Variants in C8orf34 observed in about 807,000 individuals in gnomAD.
The protein encoded by C8orf34 is chromosome 8 open reading frame 34.
C8orf34 carries 65 observed loss-of-function variants against 68.3 expected under a neutral mutation model. The ratio of observed to expected loss-of-function variants is 0.95; its 90% CI spans 0.78 to 1.17. The LOEUF (loss-of-function observed/expected upper bound fraction) is 1.17. Ranked by LOEUF, C8orf34 falls within the 50% of genes most tolerant of loss-of-function variation. The pLI is 0.00. For synonymous variants in C8orf34, 244 were observed against 241.2 expected, an observed-to-expected ratio of 1.01 and a Z score of -0.11; for missense variants, 664 against 655.4, an observed-to-expected ratio of 1.01 and a Z score of -0.14.
intron 1 of C8orf34, among the ~76,000 whole-genome samples, chr8:68,436,233 A>C (rs1272549448): frequency 6.6e-6 from 1 of 152,202 alleles, no homozygotes; most frequent in East Asian, 1.9e-4. Flanking sequence ...AAAAGAAAAG[A>C]AAAATAGTGG....
chr8:68,558,791 C>T (rs950142953), intron 7 of C8orf34, among the ~76,000 whole-genome samples: 1 of 151,946 alleles, frequency 6.6e-6, no homozygotes, highest in Non-Finnish European at 1.5e-5. Context: ...TATGCTATGC[C>T]CTGTACTAGG....
intron 3 of C8orf34, among the ~76,000 whole-genome samples, chr8:68,465,795 C>G (rs1586197271): frequency 7.2e-6 from 1 of 138,630 alleles, no homozygotes; most frequent in East Asian, 2.3e-4. Flanking sequence ...ACTCTGGGGC[C>G]TGTTGTGGGG....
chr8:68,605,894 A>G (rs566352823), intron 7 of C8orf34, among the ~76,000 whole-genome samples: 21 of 152,234 alleles, frequency 1.4e-4, no homozygotes, highest in Admixed American at 6.6e-4. Flanking sequence ...TGATGTGTTA[A>G]TGTAGGTCCA....
intron 1 of C8orf34, among the ~76,000 whole-genome samples, chr8:68,343,135 T>G (rs1387506241): frequency 1.3e-5 from 2 of 152,048 alleles, no homozygotes; most frequent in African/African-American, 4.8e-5. Flanking sequence ...CTAAATGCAA[T>G]TAGAAAATGG....
chr8:68,722,207 A>C (rs781629160), intron 10 of C8orf34, among the ~76,000 whole-genome samples: 61 of 152,182 alleles, frequency 4.0e-4, no homozygotes, highest in Admixed American at 1.8e-3. Flanking sequence ...CTTCTCCCTG[A>C]GTCTTCACAG....
intron 11 of C8orf34, among the ~76,000 whole-genome samples, chr8:68,785,655 C>A (rs1332426132): frequency 6.6e-6 from 1 of 152,078 alleles, no homozygotes; most frequent in East Asian, 1.9e-4. Flanking sequence ...TGATATATTG[C>A]CATTCATTCT....
intron 9 of C8orf34, among the ~76,000 whole-genome samples, chr8:68,719,705 T>C (rs1014196464): frequency 6.6e-6 from 1 of 151,988 alleles, no homozygotes; most frequent in Admixed American, 6.6e-5. Flanking sequence ...AACTTATTTA[T>C]AGTATTTCTA....
intron 3 of C8orf34, among the ~76,000 whole-genome samples, chr8:68,452,057 T>C (rs1185930778): frequency 6.6e-6 from 1 of 151,992 alleles, no homozygotes; most frequent in Non-Finnish European, 1.5e-5. Flanking sequence ...CTTCAGTCCT[T>C]TTCGTGGCTG....
intron 7 of C8orf34, among the ~76,000 whole-genome samples, chr8:68,607,586 G>C (rs1250594657): frequency 1.3e-5 from 2 of 152,086 alleles, no homozygotes; most frequent in Non-Finnish European, 2.9e-5. Flanking sequence ...TGGGAGTTAG[G>C]ACTTCAACAT....
At chr8:68,644,582 C>G (rs150524772) in intron 8 of C8orf34, among the ~76,000 whole-genome samples, 17 of 152,304 alleles carry the variant, frequency 1.1e-4, no homozygotes, top group African/African-American at 4.1e-4. Context: ...GTTCTAAACT[C>G]CTTCAGCTAG....
intron 8 of C8orf34, among the ~76,000 whole-genome samples, chr8:68,666,885 C>G (rs2130828367): frequency 6.6e-6 from 1 of 152,250 alleles, no homozygotes; most frequent in South Asian, 2.1e-4. Flanking sequence ...TTTTTATCCT[C>G]ATTAATATTT....
intron 1 of C8orf34, among the ~76,000 whole-genome samples, chr8:68,426,628 C>A (rs1307584523): frequency 2.7e-5 from 4 of 148,062 alleles, no homozygotes; most frequent in Non-Finnish European, 6.0e-5. Flanking sequence ...TAGTATAATG[C>A]AAATGAACTC....
intron 1 of C8orf34, among the ~76,000 whole-genome samples, chr8:68,407,948 C>T (rs2129621836): frequency 6.6e-6 from 1 of 152,288 alleles, no homozygotes; most frequent in Admixed American, 6.5e-5. Context: ...TCATTCCCAT[C>T]CCACTGAGCT....
chr8:68,717,560 G>C (rs1821512012), intron 9 of C8orf34, among the ~76,000 whole-genome samples: 1 of 151,978 alleles, frequency 6.6e-6, no homozygotes, highest in African/African-American at 2.4e-5. Context: ...CTGGGTGATG[G>C]GATAAGGAAG....
intron 6 of C8orf34, among the ~76,000 whole-genome samples, chr8:68,529,068 A>C (rs919580576): frequency 2.0e-5 from 3 of 152,174 alleles, no homozygotes; most frequent in Admixed American, 1.3e-4. Flanking sequence ...CATTCCCCTC[A>C]GCATGAAAGT....
chr8:68,380,829 C>CA (rs111824851), intron 1 of C8orf34, among the ~76,000 whole-genome samples: 7 of 152,220 alleles, frequency 4.6e-5, no homozygotes, highest in African/African-American at 1.7e-4. Flanking sequence ...TCAAGGCAAT[C>CA]AAATTTACCA....
intron 1 of C8orf34, among the ~76,000 whole-genome samples, chr8:68,369,230 C>A (rs1008733223): frequency 8.5e-5 from 13 of 152,190 alleles, no homozygotes; most frequent in African/African-American, 2.9e-4. Flanking sequence ...ATCTCTGAAC[C>A]ATTCCATTAT....
At chr8:68,740,494 T>A (rs1822250296) in intron 10 of C8orf34, among the ~76,000 whole-genome samples, 2 of 151,976 alleles carry the variant, frequency 1.3e-5, no homozygotes, top group African/African-American at 4.8e-5. Context: ...AAAAGCTCAA[T>A]ATGACTGATC....
At chr8:68,343,040 G>C (rs1307851489) in intron 1 of C8orf34, among the ~76,000 whole-genome samples, 1 of 152,118 alleles carries the variant, frequency 6.6e-6, no homozygotes, top group Non-Finnish European at 1.5e-5. Context: ...TCCATTTGGG[G>C]TCTTGGAATG....
Sources: gnomAD v4.1 joint callset for allele counts (sites outside exome capture counted in the v4.1 genomes callset) on GRCh38, gnomAD v4.1.1 for gene constraint, MANE v1.5 for transcripts, NCBI Gene and HGNC (gene_info 2026-07-23, HGNC 2026-07-21) for gene names.